Variants in SP7 observed in about 807,000 individuals in gnomAD.
The protein encoded by SP7 is transcription factor Sp7.
SP7 carries 13 observed loss-of-function variants against 27.9 expected under a neutral mutation model. The observed-to-expected ratio is 0.47, with a 90% confidence interval of 0.30 to 0.74. The LOEUF (loss-of-function observed/expected upper bound fraction) is 0.74, where lower values mean the gene tolerates loss of function less well. SP7 is among the 30% of genes least tolerant of loss of function. SP7 has a pLI of 0.06. For synonymous variants in SP7, 219 were observed against 226.7 expected, an observed-to-expected ratio of 0.97 and a Z score of 0.31; for missense variants, 525 against 558.0, an observed-to-expected ratio of 0.94 and a Z score of 0.60.
At chr12:53,342,395 C>T (rs1944831756) in intron 1 of SP7, among the ~76,000 whole-genome samples, 1 of 152,200 alleles carries the variant, frequency 6.6e-6, no homozygotes, top group Non-Finnish European at 1.5e-5. Flanking sequence ...GTTCAGAAAG[C>T]ACCTACTTTG....
intron 1 of SP7, among the ~76,000 whole-genome samples, chr12:53,342,134 G>A (rs543071318): frequency 1.8e-4 from 27 of 151,352 alleles, no homozygotes; most frequent in African/African-American, 6.1e-4. Context: ...GTGGTGGCGC[G>A]TGCCTGTAAT....
intron 2 of SP7, among the ~76,000 whole-genome samples, 164 bp from the exon 3 acceptor site, chr12:53,329,584 G>GA (rs1944680670): frequency 6.6e-6 from 1 of 152,020 alleles, no homozygotes; most frequent in African/African-American, 2.4e-5. Flanking sequence ...AGCCAGTGAG[G>GA]GCTGGACCTC....
intron 2 of SP7, among the ~76,000 whole-genome samples, chr12:53,331,299 A>G (rs1944700560): frequency 6.6e-6 from 1 of 151,906 alleles, no homozygotes; most frequent in South Asian, 2.1e-4. Flanking sequence ...GTGAAACCCC[A>G]TCTCTACTAA....
intron 1 of SP7, among the ~76,000 whole-genome samples, chr12:53,342,139 T>G (rs1202656778): frequency 6.6e-6 from 1 of 151,754 alleles, no homozygotes; most frequent in African/African-American, 2.4e-5. Context: ...GGCGCGTGCC[T>G]GTAATCCCAG....
chr12:53,338,101 A>C (rs1209357685), upstream of SP7, among the ~76,000 whole-genome samples: 1 of 139,798 alleles, frequency 7.2e-6, no homozygotes, highest in African/African-American at 2.6e-5. Flanking sequence ...AGGCATAGCC[A>C]GGTCCGGAGG....
rs1303436226 is a variant in SP7, at chr12:53,328,911, C to G, written c.531G>C (p.Gly177=). The change falls in exon 3 of 3, where the codon GGG becomes GGC. Residue 177 remains glycine (G), a synonymous_variant. Transcript: ENST00000536324. The surrounding 1 kb of genome is among the most constrained non-coding windows in gnomAD (Gnocchi z 5.1). The part of the protein sequence containing the change: ...WLGGGQGQGD[G]LQGTLPTGPA... ...GACCTGTGGGCAGTGTCCCTTGCAG[C>G]CCATCACCCTGGCCCTGCCCACCAC... 8 of 1,612,026 alleles carry G rather than the reference C, an allele frequency of 5.0e-6. No homozygotes were observed. In the African/African-American group the frequency reaches 1.1e-4, roughly 22 times the overall value.
At chr12:53,342,918 T>TG (rs1230723593) in intron 1 of SP7, among the ~76,000 whole-genome samples, 3 of 151,248 alleles carry the variant, frequency 2.0e-5, no homozygotes, top group Non-Finnish European at 2.9e-5. Flanking sequence ...AAGCCAGTGT[T>TG]GGGGGGGAAT....
chr12:53,341,217 G>T (rs550324640), upstream of SP7, among the ~76,000 whole-genome samples: 1 of 152,316 alleles, frequency 6.6e-6, no homozygotes, highest in Non-Finnish European at 1.5e-5. Flanking sequence ...AGGGCTGCAA[G>T]GCAGGACCTC....
chr12:53,332,089 C>T (rs1944712574), intron 2 of SP7, among the ~76,000 whole-genome samples: 1 of 152,108 alleles, frequency 6.6e-6, no homozygotes, highest in African/African-American at 2.4e-5. Context: ...TCCCGGGAAC[C>T]CCTGATCTTC....
intron 1 of SP7, 109 bp downstream of exon 1, chr12:53,336,037 C>T (rs927292041): frequency 3.3e-5 from 8 of 245,058 alleles, no homozygotes; most frequent in South Asian, 1.4e-4. Context: ...CCTCGGGGGG[C>T]TGCTGAGGGG....
At chr12:53,340,848 G>A (rs1052921157), upstream of SP7, among the ~76,000 whole-genome samples, 3 of 152,186 alleles carry the variant, frequency 2.0e-5, no homozygotes, top group African/African-American at 7.2e-5. Flanking sequence ...AGACCCTGAG[G>A]ATCAGCTACT....
At chr12:53,334,210 G>A (rs557842750) in intron 2 of SP7, among the ~76,000 whole-genome samples, 2 of 152,252 alleles carry the variant, frequency 1.3e-5, no homozygotes, top group African/African-American at 2.4e-5. Flanking sequence ...GACAAGGGAC[G>A]TGGTGTCCAT....
Position 53,328,454 on chromosome 12 carries a change from A to G in SP7, c.988T>C (p.Phe330Leu). Residue 330 changes from phenylalanine (F) to leucine (L), a missense_variant, in exon 3 of 3, where the codon TTC becomes CTC. Coordinates refer to ENST00000536324, the MANE Select transcript of SP7 (RefSeq NM_001173467.3). The surrounding 1 kb of genome is among the most constrained non-coding windows in gnomAD (Gnocchi z 5.1). The stretch of plus-strand genomic sequence containing the variant: ...GAACGAGTGAACCTCTTGCCGCAGA[A>G]GAGCCAGTTGCAGACGAAGGGCCTC... ...GERPFVCNWLFCGKRFTRSDE... is the reference protein window; with the variant it reads ...GERPFVCNWLLCGKRFTRSDE... 1.2e-6 allele frequency: 2 copies of G among 1,613,966 alleles called. No homozygotes were observed. Among genetic ancestry groups the G allele is most frequent in the Non-Finnish European group, 1.7e-6 (2 of 1,179,892 alleles).
Position 53,328,089 on chromosome 12 carries a change from T to C in SP7, c.*57A>G. The stretch of plus-strand genomic sequence containing the variant: ...AGAGAGTGATTGGCAAGCAGTGGTC[T>C]AGAGAGCCAAGAGAGACTGTCAGGG... On this transcript the variant is annotated 3_prime_UTR_variant, in exon 3 of 3. Coordinates refer to ENST00000536324, the MANE Select transcript of SP7 (RefSeq NM_001173467.3). The surrounding 1 kb of genome is among the most constrained non-coding windows in gnomAD (Gnocchi z 5.1). 9 of 1,488,892 alleles carry C rather than the reference T, an allele frequency of 6.0e-6. No homozygotes were observed. The highest frequency in any genetic ancestry group is 7.2e-6 in the Non-Finnish European group (8 of 1,112,092). 92.2% of individuals were successfully genotyped at this position (1,488,892 alleles called of 1,614,324 possible).
intron 2 of SP7, among the ~76,000 whole-genome samples, chr12:53,334,093 C>G (rs1944738147): frequency 6.6e-6 from 1 of 152,136 alleles, no homozygotes; most frequent in East Asian, 1.9e-4. Flanking sequence ...TCCTCAAGAC[C>G]ACAGTGTTTC....
rs1944677767 is a variant in SP7 at position 53,329,392 on chromosome 12, A to G, written c.50T>C (p.Leu17Pro). The change falls in exon 3 of 3, where the codon CTG (leucine) becomes CCG (proline). Residue 17 changes from leucine to proline, a missense_variant. Physicochemically the swap from Leu to Pro is moderately conservative, Grantham distance 98 (BLOSUM62 -3). Coordinates refer to ENST00000536324, the MANE Select transcript of SP7 (RefSeq NM_001173467.3). The part of the protein sequence containing the change: ...EEEVHYGSSP[L>P]AMLTAACSKF... ...GCTGCACGCTGCCGTCAGCATGGCC[A>G]GGGGACTGGAGCCATAGTGAACTTC... 1.2e-6 allele frequency: 2 copies of G among 1,613,988 alleles called. No homozygotes were observed. The highest frequency in any genetic ancestry group is 2.7e-5 in the African/African-American group (2 of 75,054).
chr12:53,329,997 G>C (rs1043633353), intron 2 of SP7, among the ~76,000 whole-genome samples: 2 of 151,854 alleles, frequency 1.3e-5, no homozygotes, highest in African/African-American at 4.8e-5. Flanking sequence ...GCCTCCCAAA[G>C]TGCTGGAATT....
rs368819365 is a variant in SP7 at position 53,328,951 on chromosome 12, C to T, written c.491G>A (p.Gly164Glu). The change falls in exon 3 of 3, where the codon GGA becomes GAA. Residue 164 changes from glycine to glutamate, a missense_variant. By Grantham distance (98) the Gly-to-Glu change is moderately conservative (BLOSUM62 -2). Coordinates refer to ENST00000536324, the MANE Select transcript of SP7 (RefSeq NM_001173467.3). This position sits in a 1 kb window ranked among gnomAD's most constrained non-coding sequence, Gnocchi z 5.1. ...CTGCCCACCACCTAGCCAGTTGCCT[C>T]CAGGGTGCATATCCCACCATGGAGT... ...TPTPWWDMHPGGNWLGGGQGQ... is the reference protein window; with the variant it reads ...TPTPWWDMHPEGNWLGGGQGQ... 1.9e-6 allele frequency: 3 copies of T among 1,611,544 alleles called. No homozygotes were observed. The highest frequency in any genetic ancestry group is 2.7e-5 in the African/African-American group (2 of 74,884).
rs577456847 is a variant in SP7, at chr12:53,329,423, G to A, written c.22-3C>T. The A allele has an allele frequency of 9.3e-6, 15 of 1,613,564 alleles. No homozygotes were observed. The highest frequency in any genetic ancestry group is 1.3e-5 in the African/African-American group (1 of 75,016). On this transcript the variant is annotated splice_polypyrimidine_tract_variant and splice_region_variant and intron_variant, in intron 2 of 2. Coordinates refer to ENST00000536324, the MANE Select transcript of SP7 (RefSeq NM_001173467.3). Reference sequence around the variant, plus strand: ...CTGGAGCCATAGTGAACTTCCTCCTGTGGAAAGAGGGACGCACTGCTTAGG... The same window carrying A: ...CTGGAGCCATAGTGAACTTCCTCCTATGGAAAGAGGGACGCACTGCTTAGG...
Sources: allele counts gnomAD v4.1 joint callset (sites outside exome capture counted in the v4.1 genomes callset), GRCh38; gene constraint gnomAD v4.1.1; non-coding constraint Gnocchi (gnomAD v3.1); transcripts MANE v1.5; gene names NCBI Gene and HGNC (gene_info 2026-07-23, HGNC 2026-07-21).